The following PPP3CC variants were observed in gnomAD, a reference collection of about 807,000 sequenced individuals.
The protein encoded by PPP3CC is serine/threonine-protein phosphatase 2B catalytic subunit gamma isoform.
A neutral mutation model predicts 60.3 loss-of-function variants in PPP3CC; 35 were observed. The ratio of observed to expected loss-of-function variants is 0.58; its 90% CI spans 0.44 to 0.77. The LOEUF (loss-of-function observed/expected upper bound fraction) is 0.77. Among genes scored for constraint, PPP3CC ranks in the 30% least tolerant of loss-of-function variants. The pLI is 0.00. For synonymous variants in PPP3CC, 206 were observed against 224.3 expected, an observed-to-expected ratio of 0.92 and a Z score of 0.73; for missense variants, 570 against 628.9, an observed-to-expected ratio of 0.91 and a Z score of 1.00.
At chr8:22,498,186 A>G in intron 4 of PPP3CC, 74 bp downstream of exon 4, 1 of 887,686 alleles carries the variant, frequency 1.1e-6, no homozygotes, top group Non-Finnish European at 1.7e-6. Flanking sequence ...ACAGAAAGAA[A>G]AAAGAAACTA....
At chr8:22,461,399 A>G (rs898290231) in intron 1 of PPP3CC, among the ~76,000 whole-genome samples, 8 of 152,176 alleles carry the variant, frequency 5.3e-5, no homozygotes, top group Admixed American at 2.0e-4. Context: ...TTCCTGGGTA[A>G]GTTCCAGCAG....
chr8:22,538,113 T>C (rs187333789), intron 12 of PPP3CC, among the ~76,000 whole-genome samples: 3 of 152,362 alleles, frequency 2.0e-5, no homozygotes, highest in Non-Finnish European at 2.9e-5. Flanking sequence ...TCATTTGATA[T>C]GACTGTTTCT....
At chr8:22,460,611 G>A (rs1837336827) in intron 1 of PPP3CC, among the ~76,000 whole-genome samples, 1 of 152,036 alleles carries the variant, frequency 6.6e-6, no homozygotes, top group Admixed American at 6.6e-5. Flanking sequence ...CTTGAAGCCA[G>A]GAGTTTGAGA....
At chr8:22,534,817 A>G (rs913804351) in intron 12 of PPP3CC, among the ~76,000 whole-genome samples, 44 of 152,394 alleles carry the variant, frequency 2.9e-4, no homozygotes, top group African/African-American at 1.0e-3. Flanking sequence ...ACATGCTACA[A>G]CATGGTTGAA....
chr8:22,540,846 C>G lies in PPP3CC; in HGVS notation c.*44C>G. ...CTCAGGTGGATCTAAAACTCAAGAACAAATTCTATTTATTTATTATTGGAA... is the reference window on the plus strand; with the variant it reads ...CTCAGGTGGATCTAAAACTCAAGAAGAAATTCTATTTATTTATTATTGGAA... On this transcript the variant is annotated 3_prime_UTR_variant, in exon 14 of 14. Coordinates refer to ENST00000240139, the MANE Select transcript of PPP3CC (RefSeq NM_005605.5). 1 of 1,445,282 alleles carries G rather than the reference C, an allele frequency of 6.9e-7. No individual in the cohort carries two copies. Among genetic ancestry groups the G allele is most frequent in the Non-Finnish European group, 9.2e-7 (1 of 1,087,014 alleles). 89.5% of individuals were successfully genotyped at this position (1,445,282 alleles called of 1,614,324 possible).
At chr8:22,481,432 G>T (rs1838066697) in intron 3 of PPP3CC, among the ~76,000 whole-genome samples, 1 of 150,682 alleles carries the variant, frequency 6.6e-6, no homozygotes, top group Non-Finnish European at 1.5e-5. Context: ...AATACAGAAA[G>T]TTACATGGAT....
At chr8:22,465,537 A>C (rs997607095) in intron 1 of PPP3CC, among the ~76,000 whole-genome samples, 2 of 152,170 alleles carry the variant, frequency 1.3e-5, no homozygotes, top group Non-Finnish European at 2.9e-5. Flanking sequence ...ACCTCTAATG[A>C]ATGCATTAAT....
At chr8:22,483,236 T>C (rs1349376040) in intron 3 of PPP3CC, among the ~76,000 whole-genome samples, 1 of 152,214 alleles carries the variant, frequency 6.6e-6, no homozygotes, top group Non-Finnish European at 1.5e-5. Context: ...CTATCAAAGC[T>C]CAATCTTTGG....
intron 12 of PPP3CC, among the ~76,000 whole-genome samples, chr8:22,536,764 C>G (rs2117159318): frequency 6.6e-6 from 1 of 152,252 alleles, no homozygotes; most frequent in East Asian, 1.9e-4. Flanking sequence ...GGAGCATTAA[C>G]TAAAAAAGAC....
intron 4 of PPP3CC, among the ~76,000 whole-genome samples, chr8:22,505,063 G>A (rs1044246951): frequency 1.4e-4 from 18 of 124,470 alleles, no homozygotes; most frequent in Admixed American, 9.2e-4. Context: ...GTCTCGCTTC[G>A]TCACCCAGGC....
chr8:22,483,046 G>T (rs1466408292), intron 3 of PPP3CC, among the ~76,000 whole-genome samples: 1 of 152,174 alleles, frequency 6.6e-6, no homozygotes, highest in Non-Finnish European at 1.5e-5. Context: ...CATGTACAGT[G>T]AAGGACAGCA....
intron 1 of PPP3CC, among the ~76,000 whole-genome samples, chr8:22,448,229 T>C (rs932349798): frequency 2.0e-5 from 3 of 152,284 alleles, no homozygotes; most frequent in East Asian, 1.9e-4. Flanking sequence ...GCAGGAAGAC[T>C]GTTCTAGATG....
chr8:22,467,268 C>G (rs534188512), intron 1 of PPP3CC, among the ~76,000 whole-genome samples: 2 of 152,048 alleles, frequency 1.3e-5, no homozygotes, highest in East Asian at 3.9e-4. Flanking sequence ...AAAATTTTTA[C>G]TAGTGCGTAT....
At chr8:22,462,483 G>A (rs983060367) in intron 1 of PPP3CC, among the ~76,000 whole-genome samples, 2 of 152,076 alleles carry the variant, frequency 1.3e-5, no homozygotes, top group African/African-American at 2.4e-5. Flanking sequence ...TCAAACTGTC[G>A]TTTGATGGGT....
chr8:22,452,726 G>A (rs1278442391), intron 1 of PPP3CC, among the ~76,000 whole-genome samples: 1 of 152,118 alleles, frequency 6.6e-6, no homozygotes, highest in African/African-American at 2.4e-5. Flanking sequence ...ATTTCTTTAT[G>A]TGTAGAAGAG....
chr8:22,497,551 T>G (rs1838627799), intron 3 of PPP3CC, among the ~76,000 whole-genome samples: 1 of 152,180 alleles, frequency 6.6e-6, no homozygotes, highest in Non-Finnish European at 1.5e-5. Flanking sequence ...TTTGGGGGGT[T>G]ATATCTGCAA....
intron 12 of PPP3CC, among the ~76,000 whole-genome samples, chr8:22,537,591 G>C (rs576962024): frequency 1.5e-4 from 23 of 152,174 alleles, no homozygotes; most frequent in African/African-American, 5.5e-4. Context: ...ATATGTCCTC[G>C]CAAAAACTTG....
At chr8:22,491,608 C>T (rs1427442806) in intron 3 of PPP3CC, among the ~76,000 whole-genome samples, 1 of 152,176 alleles carries the variant, frequency 6.6e-6, no homozygotes, top group Non-Finnish European at 1.5e-5. Flanking sequence ...CTGAGTCCCA[C>T]AGATTTGGAC....
intron 3 of PPP3CC, among the ~76,000 whole-genome samples, chr8:22,489,038 A>T (rs1255919430): frequency 6.8e-6 from 1 of 147,896 alleles, no homozygotes; most frequent in African/African-American, 2.5e-5. Flanking sequence ...TATTGGAGGA[A>T]TTTTTTTTTT....
Sources: gnomAD v4.1 joint callset for allele counts (sites outside exome capture counted in the v4.1 genomes callset) on GRCh38, gnomAD v4.1.1 for gene constraint, MANE v1.5 for transcripts, NCBI Gene and HGNC (gene_info 2026-07-23, HGNC 2026-07-21) for gene names.